Variants in KCND3 observed in about 807,000 individuals in gnomAD.
KCND3 encodes A-type voltage-gated potassium channel KCND3.
Under a neutral mutation model 51.1 loss-of-function variants are expected in KCND3, and 9 were observed. That is an observed-to-expected ratio of 0.18 (90% CI 0.11 to 0.31). KCND3 has a LOEUF of 0.31. Ranked by LOEUF, KCND3 falls within the 10% of genes least tolerant of loss-of-function variation. The pLI is 1.00. For missense variants in KCND3, 526 were observed against 903.8 expected, an observed-to-expected ratio of 0.58 and a Z score of 5.36; for synonymous variants, 349 against 368.0, an observed-to-expected ratio of 0.95 and a Z score of 0.59.
At chr1:111,777,969 T>A (rs1256492319) in intron 6 of KCND3, among the ~76,000 whole-genome samples, 1 of 152,210 alleles carries the variant, frequency 6.6e-6, no homozygotes, top group Admixed American at 6.5e-5. Flanking sequence ...GAACCCAGGA[T>A]AACTAAAAAA....
At chr1:111,879,049 T>G (rs576546988) in intron 2 of KCND3, among the ~76,000 whole-genome samples, 1 of 152,334 alleles carries the variant, frequency 6.6e-6, no homozygotes, top group East Asian at 1.9e-4. Context: ...GGTCTTTTCT[T>G]GCCTTCGGAC....
At chr1:111,927,504 C>T (rs1671762443) in intron 2 of KCND3, among the ~76,000 whole-genome samples, 1 of 152,236 alleles carries the variant, frequency 6.6e-6, no homozygotes, top group African/African-American at 2.4e-5. Context: ...TAGCTGACTG[C>T]ATTACAGGTG....
chr1:111,935,239 T>C (rs1672162822), intron 2 of KCND3, among the ~76,000 whole-genome samples: 1 of 152,232 alleles, frequency 6.6e-6, no homozygotes, highest in South Asian at 2.1e-4. Context: ...AAGTCTTTTG[T>C]ATACCTCATC....
intron 2 of KCND3, among the ~76,000 whole-genome samples, chr1:111,878,448 AACAGATGAC>A (rs1669156520): frequency 3.9e-5 from 6 of 152,200 alleles, no homozygotes; most frequent in Admixed American, 3.9e-4. Flanking sequence ...CGCCCAAGGC[AACAGATGAC>A]ACAGGGCCCA....
chr1:111,857,088 C>T (rs984425608), intron 2 of KCND3, among the ~76,000 whole-genome samples: 71 of 152,338 alleles, frequency 4.7e-4, no homozygotes, highest in African/African-American at 1.6e-3. Context: ...CCTGGACACT[C>T]GTCATGCGCC....
At chr1:111,935,840 G>A (rs1356975101) in intron 2 of KCND3, among the ~76,000 whole-genome samples, 2 of 152,116 alleles carry the variant, frequency 1.3e-5, no homozygotes, top group East Asian at 3.9e-4. Context: ...CTGGAATCCC[G>A]ACCTCATTCC....
At chr1:111,928,289 C>T (rs1022509896) in intron 2 of KCND3, among the ~76,000 whole-genome samples, 7 of 152,176 alleles carry the variant, frequency 4.6e-5, no homozygotes, top group Non-Finnish European at 7.4e-5. Flanking sequence ...AGAAAGTGAA[C>T]GGGCCCTGGA....
chr1:111,839,872 T>C (rs975552592), intron 2 of KCND3, among the ~76,000 whole-genome samples: 2 of 152,234 alleles, frequency 1.3e-5, no homozygotes, highest in Non-Finnish European at 2.9e-5. Flanking sequence ...AAAAGTGCCC[T>C]TTTTTGGCTG....
At chr1:111,921,689 T>C (rs889786983) in intron 2 of KCND3, among the ~76,000 whole-genome samples, 1 of 152,174 alleles carries the variant, frequency 6.6e-6, no homozygotes, top group Non-Finnish European at 1.5e-5. Context: ...GGGGATGCAG[T>C]ACAAGTCTGC....
rs184813825 is a variant in KCND3 at position 111,920,060 on chromosome 1, G to A, written c.1106+61561C>T. On this transcript the variant is annotated intron_variant, in intron 2 of 7. Transcript: ENST00000302127. ...AGGACAGCTTTGCCCCCAGGCCACT[G>A]GACCAATGACCACCTGATGCCCTAG... Among the ~76,000 whole-genome samples, 4 of 152,306 alleles carry A rather than the reference G, an allele frequency of 2.6e-5. No homozygotes were observed. In the South Asian group the frequency reaches 6.2e-4, roughly 24 times the overall value.
intron 2 of KCND3, among the ~76,000 whole-genome samples, chr1:111,959,625 C>A (rs1243351807): frequency 6.6e-6 from 1 of 152,134 alleles, no homozygotes; most frequent in Non-Finnish European, 1.5e-5. Flanking sequence ...TCTTCCTGCC[C>A]CCTGCTGGGG....
chr1:111,924,158 C>T (rs1199164720), intron 2 of KCND3, among the ~76,000 whole-genome samples: 1 of 152,214 alleles, frequency 6.6e-6, no homozygotes, highest in Non-Finnish European at 1.5e-5. Context: ...TCATCAAGCA[C>T]CTGCGTGCCA....
chr1:111,791,658 A>G (rs1664833595), intron 2 of KCND3, among the ~76,000 whole-genome samples: 1 of 152,178 alleles, frequency 6.6e-6, no homozygotes, highest in Non-Finnish European at 1.5e-5. Flanking sequence ...GCTACTGGTG[A>G]TTGTTTGAAA....
At chr1:111,783,726 A>G (rs1183451016) in intron 3 of KCND3, among the ~76,000 whole-genome samples, 1 of 152,236 alleles carries the variant, frequency 6.6e-6, no homozygotes, top group Non-Finnish European at 1.5e-5. Context: ...GATTGTGCAC[A>G]GTAGCTTTAT....
intron 2 of KCND3, among the ~76,000 whole-genome samples, chr1:111,871,527 G>C (rs1283895119): frequency 2.0e-5 from 3 of 152,132 alleles, no homozygotes; most frequent in African/African-American, 7.2e-5. Flanking sequence ...AAGTTAAAGG[G>C]GTAAAGCTAT....
chr1:111,930,150 T>G (rs1313935357), intron 2 of KCND3, among the ~76,000 whole-genome samples: 1 of 151,876 alleles, frequency 6.6e-6, no homozygotes, highest in Non-Finnish European at 1.5e-5. Flanking sequence ...TTCACTGTTT[T>G]CGGTTTTTGT....
At position 111,982,465 on chromosome 1, in the gene KCND3, G is replaced by C; in HGVS notation, c.262C>G (p.Pro88Ala). Residue 88 changes from proline (P) to alanine (A), a missense_variant, in exon 2 of 8, where the codon CCC becomes GCC. Pro to Ala is a conservative substitution (Grantham distance 27, BLOSUM62 -1). Coordinates refer to ENST00000302127, the MANE Select transcript of KCND3 (RefSeq NM_001378969.1). This position sits in a 1 kb window ranked among gnomAD's most constrained non-coding sequence, Gnocchi z 8.5. The part of the protein sequence containing the change: ...DTKEYFFDRD[P>A]EVFRCVLNFY... ...TTGAGCACGCAGCGGAACACCTCGG[G>C]GTCCCGGTCGAAGAAGTACTCCTTG... is the stretch of plus-strand genomic sequence containing the variant. 1 of 1,612,084 alleles carries C rather than the reference G, an allele frequency of 6.2e-7. No homozygotes were observed. Among genetic ancestry groups the C allele is most frequent in the Non-Finnish European group, 8.5e-7 (1 of 1,178,392 alleles).
chr1:111,815,890 C>T (rs564057861), intron 2 of KCND3, among the ~76,000 whole-genome samples: 8 of 152,034 alleles, frequency 5.3e-5, no homozygotes, highest in Admixed American at 2.0e-4. Context: ...TGTTCCCCCC[C>T]CACACAAAAA....
At chr1:111,932,289 C>T (rs748380731) in intron 2 of KCND3, among the ~76,000 whole-genome samples, 11 of 152,182 alleles carry the variant, frequency 7.2e-5, no homozygotes, top group Non-Finnish European at 1.5e-4. Context: ...AGAGTTTGGG[C>T]ACCACTGGGG....
Sources: allele counts gnomAD v4.1 joint callset (sites outside exome capture counted in the v4.1 genomes callset), GRCh38; gene constraint gnomAD v4.1.1; non-coding constraint Gnocchi (gnomAD v3.1); transcripts MANE v1.5; gene names NCBI Gene and HGNC (gene_info 2026-07-23, HGNC 2026-07-21).